THRB: variants seen among roughly 807,000 people sequenced by gnomAD.
THRB encodes nuclear receptor subfamily 1 group A member 2.
A neutral mutation model predicts 47.8 loss-of-function variants in THRB; 12 were observed. The ratio of observed to expected loss-of-function variants is 0.25; its 90% CI spans 0.16 to 0.41. The LOEUF (loss-of-function observed/expected upper bound fraction) is 0.41, where lower values mean the gene tolerates loss of function less well. Ranked by LOEUF, THRB falls within the 10% of genes least tolerant of loss-of-function variation. THRB has a pLI of 1.00. For missense variants in THRB, 348 were observed against 589.2 expected, an observed-to-expected ratio of 0.59 and a Z score of 4.24; for synonymous variants, 218 against 212.2, an observed-to-expected ratio of 1.03 and a Z score of -0.24.
At chr3:24,234,115 T>G (rs1239036139) in intron 3 of THRB, among the ~76,000 whole-genome samples, 1 of 152,146 alleles carries the variant, frequency 6.6e-6, no homozygotes, top group Non-Finnish European at 1.5e-5. Context: ...CTTTAAAGCT[T>G]CATTCTTTAG....
chr3:24,411,941 CAGCACCCTGAAAG>C (rs2068340141), intron 1 of THRB, among the ~76,000 whole-genome samples: 1 of 151,774 alleles, frequency 6.6e-6, no homozygotes, highest in Admixed American at 6.6e-5. Context: ...AGAAAGAAAT[CAGCACCCTGAAAG>C]AGTTTGTGTC....
intron 1 of THRB, among the ~76,000 whole-genome samples, chr3:24,447,773 T>C (rs1296078637): frequency 6.6e-6 from 1 of 152,024 alleles, no homozygotes; most frequent in Non-Finnish European, 1.5e-5. Flanking sequence ...ATAAAATGTG[T>C]CAGGGGTCAG....
intron 2 of THRB, among the ~76,000 whole-genome samples, chr3:24,302,246 T>A (rs2056996124): frequency 6.6e-6 from 1 of 152,242 alleles, no homozygotes; most frequent in South Asian, 2.1e-4. Flanking sequence ...TGTTTACTCC[T>A]TTGCCAATAT....
At chr3:24,398,803 C>T (rs1028847048) in intron 1 of THRB, among the ~76,000 whole-genome samples, 2 of 152,060 alleles carry the variant, frequency 1.3e-5, no homozygotes, top group African/African-American at 4.8e-5. Flanking sequence ...GCACTATTCA[C>T]AATAGCAAAG....
chr3:24,233,563 GAAA>G (rs879370767), intron 3 of THRB, among the ~76,000 whole-genome samples: 3,412 of 77,422 alleles, frequency 0.044, 175 homozygotes, highest in African/African-American at 0.13. Flanking sequence ...GAAAAAGGAA[GAAA>G]GAAAGAAAGA....
chr3:24,417,763 T>A (rs2068884716), intron 1 of THRB, among the ~76,000 whole-genome samples: 1 of 151,966 alleles, frequency 6.6e-6, no homozygotes. Context: ...GCTTGTCGCA[T>A]GCCAGCACTT....
At chr3:24,151,383 GGAA>G (rs535871759) in intron 6 of THRB, among the ~76,000 whole-genome samples, 2 of 152,202 alleles carry the variant, frequency 1.3e-5, no homozygotes, top group South Asian at 4.1e-4. Context: ...TTGGAGAAGC[GGAA>G]GAAGAGAAAA....
chr3:24,358,632 G>C (rs56140521), intron 1 of THRB, among the ~76,000 whole-genome samples: 13,809 of 151,968 alleles, frequency 0.091, 1,661 homozygotes, highest in African/African-American at 0.28. Context: ...TCATTTGTCT[G>C]CCTACTTCTG....
At chr3:24,194,984 A>G (rs1383693686) in intron 4 of THRB, among the ~76,000 whole-genome samples, 1 of 152,220 alleles carries the variant, frequency 6.6e-6, no homozygotes, top group Non-Finnish European at 1.5e-5. Context: ...ACTGCAAACC[A>G]TATTCTGCAT....
chr3:24,335,194 A>T (rs1205684759), intron 2 of THRB, among the ~76,000 whole-genome samples: 1 of 152,164 alleles, frequency 6.6e-6, no homozygotes, highest in African/African-American at 2.4e-5. Context: ...TGGGAGGGCA[A>T]TGATTCTTGG....
chr3:24,227,972 T>G (rs1410817983), intron 4 of THRB, among the ~76,000 whole-genome samples: 1 of 152,196 alleles, frequency 6.6e-6, no homozygotes, highest in African/African-American at 2.4e-5. Context: ...GTCTATAAAA[T>G]TTTTATAAGT....
chr3:24,228,839 T>G, intron 4 of THRB, 99 bp downstream of exon 4: 1 of 1,103,798 alleles, frequency 9.1e-7, no homozygotes, highest in East Asian at 2.4e-5. Flanking sequence ...GAAATAACGG[T>G]TGCTAAAACT....
chr3:24,423,765 A>G (rs1553754958), intron 1 of THRB, among the ~76,000 whole-genome samples: 2 of 151,760 alleles, frequency 1.3e-5, no homozygotes, highest in Non-Finnish European at 2.9e-5. Flanking sequence ...ATGGCCATCT[A>G]TTTATTGAAT....
At chr3:24,191,443 T>C (rs1184845174) in intron 4 of THRB, among the ~76,000 whole-genome samples, 3 of 152,188 alleles carry the variant, frequency 2.0e-5, no homozygotes, top group Non-Finnish European at 4.4e-5. Flanking sequence ...CAAATTTATA[T>C]GTGAATTTTT....
chr3:24,138,622 C>T (rs1039682069), intron 8 of THRB, among the ~76,000 whole-genome samples: 15 of 152,196 alleles, frequency 9.9e-5, no homozygotes, highest in Non-Finnish European at 1.3e-4. Flanking sequence ...ATTCATGTAA[C>T]TACTAGATTA....
intron 8 of THRB, among the ~76,000 whole-genome samples, chr3:24,134,268 C>A (rs540664893): frequency 6.6e-6 from 1 of 152,108 alleles, no homozygotes; most frequent in African/African-American, 2.4e-5. Context: ...TGCTTCCCAA[C>A]GTCCACAGTA....
chr3:24,218,283 AC>A (rs1166579263), intron 4 of THRB, among the ~76,000 whole-genome samples: 1 of 151,408 alleles, frequency 6.6e-6, no homozygotes, highest in East Asian at 1.9e-4. Flanking sequence ...AAAACAAAAA[AC>A]AAAAAAAAAT....
At chr3:24,322,088 C>G (rs1037186481) in intron 2 of THRB, among the ~76,000 whole-genome samples, 3 of 151,662 alleles carry the variant, frequency 2.0e-5, no homozygotes, top group Non-Finnish European at 4.4e-5. Flanking sequence ...AAGATAATCT[C>G]TGAAGTCCAA....
intron 3 of THRB, among the ~76,000 whole-genome samples, chr3:24,245,417 G>C (rs1393660754): frequency 6.6e-6 from 1 of 152,204 alleles, no homozygotes; most frequent in East Asian, 1.9e-4. Context: ...TTGACTGGTA[G>C]AGAAGACGGG....
Sources: gnomAD v4.1 joint callset for allele counts (sites outside exome capture counted in the v4.1 genomes callset) on GRCh38, gnomAD v4.1.1 for gene constraint, MANE v1.5 for transcripts, NCBI Gene and HGNC (gene_info 2026-07-23, HGNC 2026-07-21) for gene names.